PHACTR3: variants seen among roughly 807,000 people sequenced by gnomAD.
PHACTR3 encodes protein phosphatase 1, regulatory subunit 123.
A neutral mutation model predicts 66.8 loss-of-function variants in PHACTR3; 16 were observed. That is an observed-to-expected ratio of 0.24 (90% CI 0.16 to 0.36). The LOEUF is 0.36. Among genes scored for constraint, PHACTR3 ranks in the 10% least tolerant of loss-of-function variants. The probability of loss-of-function intolerance (pLI) is 1.00; values close to 1 mark genes in which losing one functional copy is unlikely to be tolerated. For missense variants in PHACTR3, 647 were observed against 719.9 expected (o/e 0.90, Z 1.16); for synonymous variants, 323 against 292.1 (o/e 1.11, Z -1.08).
At chr20:59,577,734 C>G in intron 1 of PHACTR3, 3 of 681,108 alleles carry the variant, frequency 4.4e-6, no homozygotes, top group Non-Finnish European at 5.8e-6. Flanking sequence ...TGCGGGTGGC[C>G]GGGAGGCCCG....
intron 4 of PHACTR3, among the ~76,000 whole-genome samples, chr20:59,756,582 A>G (rs997555196): frequency 1.4e-5 from 2 of 144,922 alleles, no homozygotes; most frequent in African/African-American, 4.9e-5. Context: ...GAGAGTTGTG[A>G]CTTCTGGAGG....
rs1054318417 is a variant in PHACTR3 at position 59,738,630 on chromosome 20, C to T, written c.119-4477C>T. ...GGCACACAAATACCCTCCTCTGGAG[C>T]CCGTGTGGTGTCTGTCGTGGGGACC... On this transcript the variant is annotated intron_variant, in intron 1 of 12. Coordinates refer to ENST00000371015, the MANE Select transcript of PHACTR3 (RefSeq NM_080672.5). The surrounding 1 kb of genome is among the most constrained non-coding windows in gnomAD (Gnocchi z 4.4). Among the ~76,000 whole-genome samples, 5 of 152,096 alleles carry T rather than the reference C, an allele frequency of 3.3e-5. No individual in the cohort carries two copies. Among genetic ancestry groups the T allele is most frequent in the African/African-American group, 1.2e-4 (5 of 41,436 alleles).
At chr20:59,747,523 G>A (rs980836465) in intron 2 of PHACTR3, among the ~76,000 whole-genome samples, 1 of 152,234 alleles carries the variant, frequency 6.6e-6, no homozygotes, top group African/African-American at 2.4e-5. Flanking sequence ...AGAAATGATC[G>A]CTGTAGAATA....
intron 1 of PHACTR3, among the ~76,000 whole-genome samples, chr20:59,664,917 A>G (rs937509745): frequency 6.6e-6 from 1 of 152,208 alleles, no homozygotes; most frequent in Non-Finnish European, 1.5e-5. Flanking sequence ...GGCTGGGTGC[A>G]GGATTCTCCT....
chr20:59,631,920 T>G lies in PHACTR3; in HGVS notation c.118+26788T>G, dbSNP rs555773607. 3.9e-4 allele frequency among the ~76,000 whole-genome samples: 60 copies of G among 152,188 alleles called. 1 individual carries two copies. The South Asian group carries it at 8.9e-3, about 23-fold the overall frequency. ...TGTGTTCCCAGAAGCCCCTGTAGAG[T>G]GGCATCTGGCCCCGGCCTGTGGTAG... On this transcript the variant is annotated intron_variant, in intron 1 of 12. Coordinates refer to ENST00000371015, the MANE Select transcript of PHACTR3 (RefSeq NM_080672.5).
intron 8 of PHACTR3, among the ~76,000 whole-genome samples, chr20:59,819,855 C>G (rs904218829): frequency 3.9e-5 from 6 of 152,254 alleles, no homozygotes; most frequent in African/African-American, 9.6e-5. Context: ...TGGGCCGGTG[C>G]TGTACCGGTA....
chr20:59,819,207 TG>T (rs1025784067), intron 8 of PHACTR3, among the ~76,000 whole-genome samples: 3 of 152,150 alleles, frequency 2.0e-5, no homozygotes, highest in African/African-American at 4.8e-5. Context: ...GATCACTTGC[TG>T]TGTTGCCCAG....
At chr20:59,706,291 G>A (rs1461227844) in intron 1 of PHACTR3, among the ~76,000 whole-genome samples, 1 of 152,166 alleles carries the variant, frequency 6.6e-6, no homozygotes, top group Non-Finnish European at 1.5e-5. Flanking sequence ...GTCTGATAAG[G>A]CCACCCAGAG....
intron 1 of PHACTR3, among the ~76,000 whole-genome samples, chr20:59,725,177 CT>C (rs1346744470): frequency 6.6e-6 from 1 of 151,262 alleles, no homozygotes. Flanking sequence ...CTCAGTAAGG[CT>C]GTGAACCCAG....
In PHACTR3 at chr20:59,587,490, A is replaced by G. The variant is rs191212188; in HGVS notation, c.109+9873A>G. On this transcript the variant is annotated intron_variant, in intron 1 of 12. Coordinates refer to the PHACTR3 transcript ENST00000359926. ...CAGGAGGATCACAGGAGAGATGTCT[A>G]TTGCTGCCAGAACAATTTACCACCA... Among the ~76,000 whole-genome samples, 11 of 152,306 alleles carry G rather than the reference A, an allele frequency of 7.2e-5. No homozygotes were observed. In the East Asian group the frequency reaches 9.6e-4, roughly 13 times the overall value.
intron 1 of PHACTR3, among the ~76,000 whole-genome samples, chr20:59,692,318 C>T (rs1186591044): frequency 6.6e-6 from 1 of 152,202 alleles, no homozygotes; most frequent in Non-Finnish European, 1.5e-5. Flanking sequence ...TGAAGGTCAC[C>T]CGTGGTTCAG....
At chr20:59,662,895 G>A (rs1190609693) in intron 1 of PHACTR3, among the ~76,000 whole-genome samples, 1 of 152,170 alleles carries the variant, frequency 6.6e-6, no homozygotes, top group Non-Finnish European at 1.5e-5. Flanking sequence ...GTCTCCTAGG[G>A]CTGCTATAAC....
At chr20:59,605,846 C>CGGGG (rs200107140) in intron 1 of PHACTR3, among the ~76,000 whole-genome samples, 8 of 7,734 alleles carry the variant, frequency 1.0e-3, no homozygotes, top group Non-Finnish European at 2.3e-3. Context: ...CCTAATAAAG[C>CGGGG]GGGGGGGGAG....
chr20:59,619,331 A>T (rs1291873457), intron 1 of PHACTR3, among the ~76,000 whole-genome samples: 2 of 151,984 alleles, frequency 1.3e-5, no homozygotes, highest in African/African-American at 4.8e-5. Flanking sequence ...GAAGCGGGGG[A>T]TGCTGGTTTG....
At chr20:59,788,624 G>A (rs1340468012) in intron 7 of PHACTR3, among the ~76,000 whole-genome samples, 1 of 152,048 alleles carries the variant, frequency 6.6e-6, no homozygotes, top group South Asian at 2.1e-4. Context: ...GTCCCCATAT[G>A]TGGATCGTCA....
In PHACTR3 at chr20:59,660,491, CA is replaced by C. The variant is rs201206044; in HGVS notation, c.118+55365del. ...CCTGGGGGACAGCGAGACTCCGTCTCAAAAAACAAACAAACAAACAAAAAAC... is the reference window on the plus strand; with the variant it reads ...CCTGGGGGACAGCGAGACTCCGTCTCAAAAACAAACAAACAAACAAAAAAC... On this transcript the variant is annotated intron_variant, in intron 1 of 12. Coordinates refer to ENST00000371015, the MANE Select transcript of PHACTR3 (RefSeq NM_080672.5). Among the ~76,000 whole-genome samples the C allele has an allele frequency of 8.9e-3, 1,361 of 152,230 alleles. 27 individuals carry two copies. Among genetic ancestry groups the C allele is most frequent in the African/African-American group, 0.031 (1,282 of 41,554 alleles).
Position 59,836,525 on chromosome 20 carries a change from C to A in PHACTR3, c.1349C>A (p.Ala450Asp), listed in dbSNP as rs149397222. Reference protein sequence around the residue: ...KLSKRLSQRPAVEELERRNIL... With the variant: ...KLSKRLSQRPDVEELERRNIL... ...CGCAGACGGCTGAGCCAAAGACCTGCCGTGGAAGAGCTGGAGAGAAGAAAT... is the reference window on the plus strand; with the variant it reads ...CGCAGACGGCTGAGCCAAAGACCTGACGTGGAAGAGCTGGAGAGAAGAAAT... Residue 450 changes from alanine (A) to aspartate (D), a missense_variant, in exon 9 of 13, where the codon GCC becomes GAC. Ala to Asp is a moderately radical substitution (Grantham distance 126). Around this residue, in one of 2 missense-constraint regions of PHACTR3, gnomAD observed 70 missense variants for 148.8 expected, o/e 0.47. Coordinates refer to ENST00000371015, the MANE Select transcript of PHACTR3 (RefSeq NM_080672.5). The A allele has an allele frequency of 2.1e-4, 337 of 1,610,150 alleles. No homozygotes were observed. Among genetic ancestry groups the A allele is most frequent in the Middle Eastern group, 6.6e-4 (4 of 6,052 alleles).
chr20:59,794,867 C>G (rs141190649), intron 7 of PHACTR3, among the ~76,000 whole-genome samples: 35 of 152,132 alleles, frequency 2.3e-4, no homozygotes, highest in African/African-American at 8.4e-4. Context: ...TCTTATGATT[C>G]CTTCTGTGGT....
chr20:59,722,463 G>C (rs998805334), intron 1 of PHACTR3, among the ~76,000 whole-genome samples: 15 of 152,164 alleles, frequency 9.9e-5, no homozygotes, highest in Non-Finnish European at 1.5e-5. Flanking sequence ...TGCAGTCAGC[G>C]TGGCTGGAAT....
Sources: gnomAD v4.1 joint callset for allele counts (sites outside exome capture counted in the v4.1 genomes callset) on GRCh38, gnomAD v4.1.1 for gene constraint, gnomAD v4.1.1 regional missense constraint, Gnocchi (gnomAD v3.1) non-coding constraint, MANE v1.5 for transcripts, NCBI Gene and HGNC (gene_info 2026-07-23, HGNC 2026-07-21) for gene names.